SLC6A15: variants seen among roughly 807,000 people sequenced by gnomAD.
The protein encoded by SLC6A15 is sodium-dependent neutral amino acid transporter B(0)AT2.
Under a neutral mutation model 68.5 loss-of-function variants are expected in SLC6A15, and 33 were observed. The ratio of observed to expected loss-of-function variants is 0.48; its 90% CI spans 0.37 to 0.64. SLC6A15 has a LOEUF of 0.64. SLC6A15 is among the 30% of genes least tolerant of loss of function. SLC6A15 has a pLI of 0.00. For synonymous variants in SLC6A15, 347 were observed against 301.0 expected (o/e 1.15, Z -1.58); for missense variants, 747 against 874.3 (o/e 0.85, Z 1.84).
At chr12:84,867,284 A>T in intron 9 of SLC6A15, 91 bp from the exon 10 acceptor site, 1 of 1,055,990 alleles carries the variant, frequency 9.5e-7, no homozygotes, top group Non-Finnish European at 1.3e-6. Flanking sequence ...AAACTTTTAA[A>T]ACTTTTATAA....
At chr12:84,895,040 A>G (rs1424272857) in intron 1 of SLC6A15, among the ~76,000 whole-genome samples, 1 of 152,040 alleles carries the variant, frequency 6.6e-6, no homozygotes, top group Non-Finnish European at 1.5e-5. Flanking sequence ...TATTATAAAT[A>G]AAATTATCTA....
rs1277262857 is a variant in SLC6A15 at position 84,912,580 on chromosome 12, A to G, written c.-246T>C. 1.3e-5 allele frequency: 2 copies of G among 152,682 alleles called. No individual in the cohort carries two copies. The highest frequency in any genetic ancestry group is 4.8e-5 in the African/African-American group (2 of 41,584). The allele number at this position is 152,682 out of a possible 1,614,324, so 9.5% of individuals were successfully genotyped here. On this transcript the variant is annotated 5_prime_UTR_variant, in exon 1 of 12. Transcript: ENST00000266682. ...GCTTCCACGTCCGGGCAGCAGCAGCAGCAGTCGCGAAAGGGTAGGGTCCAG... is the reference window on the plus strand; with the variant it reads ...GCTTCCACGTCCGGGCAGCAGCAGCGGCAGTCGCGAAAGGGTAGGGTCCAG...
At chr12:84,883,399 A>G (rs1363795551) in intron 5 of SLC6A15, 1 of 1,031,366 alleles carries the variant, frequency 9.7e-7, no homozygotes, top group African/African-American at 1.7e-5. Flanking sequence ...AACACTTCAC[A>G]TTACATTATT....
At chr12:84,870,019 T>C (rs1871218935) in intron 9 of SLC6A15, among the ~76,000 whole-genome samples, 1 of 151,992 alleles carries the variant, frequency 6.6e-6, no homozygotes, top group Non-Finnish European at 1.5e-5. Flanking sequence ...TTGGAGACAT[T>C]AACTACTAGT....
At chr12:84,896,686 G>A (rs1419805787) in intron 1 of SLC6A15, among the ~76,000 whole-genome samples, 1 of 152,200 alleles carries the variant, frequency 6.6e-6, no homozygotes, top group Non-Finnish European at 1.5e-5. Flanking sequence ...TGGAAAGATA[G>A]AGGTGATAGT....
chr12:84,887,318 A>C (rs534272968), intron 2 of SLC6A15, among the ~76,000 whole-genome samples: 1 of 152,314 alleles, frequency 6.6e-6, no homozygotes, highest in South Asian at 2.1e-4. Flanking sequence ...TCTTAATGGA[A>C]TATTTAGTGG....
chr12:84,910,928 C>CGTGTGT lies in SLC6A15; in HGVS notation c.-189+1589_-189+1594dup, dbSNP rs34335324. ...ATTTGCTGTTGAGCCGCCCTCTTTC[C>CGTGTGT]GTGTGTGTGTGTGTGTGTGTGTGTG... On this transcript the variant is annotated intron_variant, in intron 1 of 11. Coordinates refer to ENST00000266682, the MANE Select transcript of SLC6A15 (RefSeq NM_182767.6). Among the ~76,000 whole-genome samples, 269 of 143,544 alleles carry CGTGTGT rather than the reference C, an allele frequency of 1.9e-3. 4 individuals carry two copies. Among genetic ancestry groups the CGTGTGT allele is most frequent in the African/African-American group, 6.8e-3 (240 of 35,322 alleles). 94.2% of individuals were successfully genotyped at this position (143,544 alleles called of 152,430 possible). A position where few individuals can be genotyped will look rare whatever the true frequency, so the allele number is the denominator to read the frequency against.
chr12:84,899,993 C>G (rs1379047564), intron 1 of SLC6A15, among the ~76,000 whole-genome samples: 1 of 151,984 alleles, frequency 6.6e-6, no homozygotes, highest in Non-Finnish European at 1.5e-5. Flanking sequence ...TTTTTGAAAT[C>G]AGCTTGACAA....
chr12:84,884,096 A>G, intron 4 of SLC6A15, 56 bp from the exon 5 acceptor site: 1 of 1,443,944 alleles, frequency 6.9e-7, no homozygotes, highest in Non-Finnish European at 9.6e-7. Context: ...CAATGCGACA[A>G]TTTCTTTTCC....
chr12:84,885,558 A>C lies in SLC6A15; in HGVS notation c.451T>G (p.Cys151Gly), dbSNP rs1872060492. The C allele has an allele frequency of 1.2e-6, 2 of 1,611,508 alleles. No homozygotes were observed. The highest frequency in any genetic ancestry group is 1.7e-6 in the Non-Finnish European group (2 of 1,179,082). ...TTGTAGTAGAGAGCTACAAAATAGCACACCTGCAAAATAAAATGATATCCC... is the reference window on the plus strand; with the variant it reads ...TTGTAGTAGAGAGCTACAAAATAGCCCACCTGCAAAATAAAATGATATCCC... ...GGIGFASCVV[C>G]YFVALYYNVI... is the part of the protein sequence containing the mutation. Residue 151 changes from cysteine to glycine, a missense_variant, in exon 4 of 12, where the codon TGC becomes GGC. Coordinates refer to ENST00000266682, the MANE Select transcript of SLC6A15 (RefSeq NM_182767.6).
At position 84,861,578 on chromosome 12, in the gene SLC6A15, C is replaced by T; in HGVS notation, c.*54G>A. The stretch of plus-strand genomic sequence containing the variant: ...AAGCCTAATGCTTCTCCTACTAGGG[C>T]CAATGTTCATTGGTAAAAATGAACC... On this transcript the variant is annotated 3_prime_UTR_variant, in exon 12 of 12. Transcript: ENST00000266682. 6.5e-7 allele frequency: 1 copy of T among 1,540,240 alleles called. No individual in the cohort carries two copies. Among genetic ancestry groups the T allele is most frequent in the Non-Finnish European group, 8.8e-7 (1 of 1,142,848 alleles).
chr12:84,876,442 C>A (rs186470098), intron 6 of SLC6A15, 55 bp downstream of exon 6: 15 of 895,140 alleles, frequency 1.7e-5, no homozygotes, highest in Middle Eastern at 2.3e-4. Context: ...AATATTTTAA[C>A]AATAAACATA....
chr12:84,864,727 A>T (rs6539871), intron 10 of SLC6A15, among the ~76,000 whole-genome samples: 42,180 of 152,056 alleles, frequency 0.28, 6,595 homozygotes, highest in Middle Eastern at 0.41. Flanking sequence ...CTTTAGAAAA[A>T]ATATGAACTT....
intron 6 of SLC6A15, among the ~76,000 whole-genome samples, chr12:84,875,839 T>C (rs1871511982): frequency 6.6e-6 from 1 of 151,034 alleles, no homozygotes; most frequent in South Asian, 2.1e-4. Flanking sequence ...TTCTGAGCCC[T>C]TGATGGAGTC....
At chr12:84,865,172 G>A (rs1236118025) in intron 10 of SLC6A15, among the ~76,000 whole-genome samples, 2 of 152,126 alleles carry the variant, frequency 1.3e-5, no homozygotes, top group Non-Finnish European at 2.9e-5. Flanking sequence ...TTGAAATGAA[G>A]GTCAAGGTTA....
intron 2 of SLC6A15, among the ~76,000 whole-genome samples, chr12:84,887,845 C>A (rs899436793): frequency 6.6e-6 from 1 of 151,774 alleles, no homozygotes; most frequent in Non-Finnish European, 1.5e-5. Context: ...TATGAAGAAC[C>A]CTTAAAGAAC....
At chr12:84,888,789 G>A (rs1429507805) in intron 2 of SLC6A15, among the ~76,000 whole-genome samples, 2 of 152,082 alleles carry the variant, frequency 1.3e-5, no homozygotes, top group Non-Finnish European at 2.9e-5. Flanking sequence ...AGCGTGGCAC[G>A]TTGGCATGCT....
chr12:84,881,490 A>T (rs1871818524), intron 5 of SLC6A15: 2 of 985,282 alleles, frequency 2.0e-6, no homozygotes, highest in Non-Finnish European at 2.4e-6. Flanking sequence ...ATTTCAGTAA[A>T]ATCCAGTATT....
rs1368514256 is a variant in SLC6A15 at position 84,875,800 on chromosome 12, C to T, written c.867+697G>A. Among the ~76,000 whole-genome samples, 6 of 149,846 alleles carry T rather than the reference C, an allele frequency of 4.0e-5. No homozygotes were observed. The East Asian group carries it at 1.0e-3, about 25-fold the overall frequency. Reference sequence around the variant, plus strand: ...TAAGTGGGCCCACCGTTGAGTTTAGCTCTACAAAGTTGCATGATGGATTAT... The same window carrying T: ...TAAGTGGGCCCACCGTTGAGTTTAGTTCTACAAAGTTGCATGATGGATTAT... On this transcript the variant is annotated intron_variant, in intron 6 of 11. Coordinates refer to ENST00000266682, the MANE Select transcript of SLC6A15 (RefSeq NM_182767.6).
Sources: allele counts gnomAD v4.1 joint callset (sites outside exome capture counted in the v4.1 genomes callset), GRCh38; gene constraint gnomAD v4.1.1; transcripts MANE v1.5; gene names NCBI Gene and HGNC (gene_info 2026-07-23, HGNC 2026-07-21).